UQCC6: variants seen among roughly 807,000 people sequenced by gnomAD.
UQCC6 encodes the protein ubiquinol-cytochrome c reductase complex assembly factor 6.
chr12:103,965,145 C>T, the UQCC6 span, among the ~76,000 whole-genome samples: 45 of 152,268 alleles, frequency 3.0e-4, no homozygotes, highest in Admixed American at 2.9e-3. Context: ...TTAAGAGTTC[C>T]TTAATAAAGT....
the UQCC6 span, chr12:103,950,538 A>G: frequency 8.5e-5 from 13 of 152,362 alleles, no homozygotes; most frequent in African/African-American, 3.1e-4. Flanking sequence ...TAGCCGAGGC[A>G]ATCCTTCTAG....
At chr12:103,962,173 A>G in the UQCC6 span, among the ~76,000 whole-genome samples, 1 of 152,080 alleles carries the variant, frequency 6.6e-6, no homozygotes. Flanking sequence ...TATAAAACTG[A>G]GTTGTTTTCT....
At chr12:103,964,603 C>T in the UQCC6 span, among the ~76,000 whole-genome samples, 4 of 152,330 alleles carry the variant, frequency 2.6e-5, no homozygotes, top group East Asian at 7.7e-4. Context: ...CATTTTCAGT[C>T]ACCAGAATTC....
the UQCC6 span, among the ~76,000 whole-genome samples, chr12:103,961,302 A>T: frequency 6.6e-6 from 1 of 152,244 alleles, no homozygotes; most frequent in African/African-American, 2.4e-5. Context: ...AGTTTAAAAA[A>T]TTAAAAAGTC....
the UQCC6 span, among the ~76,000 whole-genome samples, chr12:103,962,959 C>T: frequency 6.6e-6 from 1 of 152,152 alleles, no homozygotes; most frequent in African/African-American, 2.4e-5. Context: ...GATATCTGAA[C>T]TACCTTTGAA....
chr12:103,960,885 A>C, the UQCC6 span, among the ~76,000 whole-genome samples: 3 of 152,210 alleles, frequency 2.0e-5, no homozygotes, highest in African/African-American at 7.2e-5. Context: ...TTGATAATAA[A>C]ATGTTACTAA....
the UQCC6 span, among the ~76,000 whole-genome samples, chr12:103,952,837 A>T: frequency 6.6e-6 from 1 of 152,124 alleles, no homozygotes; most frequent in Non-Finnish European, 1.5e-5. Flanking sequence ...ATGGAGGAGG[A>T]TGAGGGAGGC....
the UQCC6 span, among the ~76,000 whole-genome samples, chr12:103,953,035 T>C: frequency 1.3e-5 from 2 of 152,178 alleles, no homozygotes; most frequent in South Asian, 2.1e-4. Context: ...AAGTCTCCAG[T>C]GTTTTTCACT....
chr12:103,961,904 C>G, the UQCC6 span, among the ~76,000 whole-genome samples: 5 of 152,148 alleles, frequency 3.3e-5, no homozygotes, highest in Non-Finnish European at 7.3e-5. Context: ...TAGATACATA[C>G]TTACCATTGT....
the UQCC6 span, chr12:103,955,652 A>T: frequency 7.1e-6 from 3 of 419,848 alleles, no homozygotes; most frequent in Admixed American, 2.9e-5. Flanking sequence ...ATTATTTTTC[A>T]ATAAAAATTT....
chr12:103,951,902 A>G, the UQCC6 span, among the ~76,000 whole-genome samples: 1 of 152,220 alleles, frequency 6.6e-6, no homozygotes, highest in Admixed American at 6.5e-5. Context: ...TGACAGGTTC[A>G]CAGCTTTGAA....
the UQCC6 span, chr12:103,957,399 C>T: frequency 6.6e-6 from 1 of 152,074 alleles, no homozygotes; most frequent in Admixed American, 6.5e-5. Context: ...ATTTTCCTGG[C>T]AGATGTGGAA....
chr12:103,964,467 G>C, the UQCC6 span, among the ~76,000 whole-genome samples: 12 of 152,100 alleles, frequency 7.9e-5, no homozygotes, highest in Admixed American at 7.9e-4. Context: ...GAGGACCCTG[G>C]TCTCTTGAGG....
At chr12:103,963,199 G>A in the UQCC6 span, among the ~76,000 whole-genome samples, 2 of 151,402 alleles carry the variant, frequency 1.3e-5, no homozygotes, top group Non-Finnish European at 2.9e-5. Flanking sequence ...CCAGCCTCCT[G>A]AGTAGCTGGG....
chr12:103,954,329 A>AACGAG, the UQCC6 span, among the ~76,000 whole-genome samples: 1 of 151,898 alleles, frequency 6.6e-6, no homozygotes, highest in African/African-American at 2.4e-5. Flanking sequence ...TTTATAAAGA[A>AACGAG]GTTTATTTGG....
At chr12:103,954,055 C>A in the UQCC6 span, among the ~76,000 whole-genome samples, 1 of 152,118 alleles carries the variant, frequency 6.6e-6, no homozygotes, top group Non-Finnish European at 1.5e-5. Flanking sequence ...ATTGTTTGTA[C>A]AAAAACTACA....
At chr12:103,954,227 T>A in the UQCC6 span, among the ~76,000 whole-genome samples, 2 of 152,244 alleles carry the variant, frequency 1.3e-5, no homozygotes, top group East Asian at 3.8e-4. Context: ...TGAACTCCTA[T>A]TCACATGAAG....
the UQCC6 span, among the ~76,000 whole-genome samples, chr12:103,964,753 C>T: frequency 6.6e-6 from 1 of 152,318 alleles, no homozygotes; most frequent in African/African-American, 2.4e-5. Context: ...GGGCTTTTTT[C>T]ATTCACTCAA....
chr12:103,961,537 T>TTTGTTGTTGTTGTTG, the UQCC6 span, among the ~76,000 whole-genome samples: 13 of 150,572 alleles, frequency 8.6e-5, no homozygotes, highest in East Asian at 9.9e-4. Context: ...ACTGTTTGGT[T>TTTGTTGTTGTTGTTG]TTGTTGTTGT....
Sources: gnomAD v4.1 joint callset for allele counts (sites outside exome capture counted in the v4.1 genomes callset) on GRCh38, gnomAD v4.1.1 for gene constraint, MANE v1.5 for transcripts, NCBI Gene and HGNC (gene_info 2026-07-23, HGNC 2026-07-21) for gene names.